Variants in GRIN2A observed in about 807,000 individuals in gnomAD.
GRIN2A encodes glutamate ionotropic receptor NMDA type subunit 2A.
GRIN2A carries 22 observed loss-of-function variants against 113.4 expected under a neutral mutation model. The observed-to-expected ratio is 0.19, with a 90% CI of 0.14 to 0.28. The LOEUF is 0.28. Ranked by LOEUF, GRIN2A falls within the 10% of genes least tolerant of loss-of-function variation. GRIN2A has a pLI of 1.00. For synonymous variants in GRIN2A, 827 were observed against 738.4 expected, an observed-to-expected ratio of 1.12 and a Z score of -1.94; for missense variants, 1,502 against 1,887.0, an observed-to-expected ratio of 0.80 and a Z score of 3.78.
At chr16:10,101,199 G>C (rs1233839666) in intron 2 of GRIN2A, among the ~76,000 whole-genome samples, 4 of 152,194 alleles carry the variant, frequency 2.6e-5, no homozygotes, top group Non-Finnish European at 4.4e-5. Flanking sequence ...CTGCATGGTG[G>C]TCTGAAGCTC....
In GRIN2A at chr16:9,759,821, C is replaced by G. The variant is rs1482962272; in HGVS notation, c.*3328G>C. 1 of 229,210 alleles carries G rather than the reference C, an allele frequency of 4.4e-6. No homozygotes were observed. Among genetic ancestry groups the G allele is most frequent in the African/African-American group, 2.2e-5 (1 of 45,126 alleles). The allele number at this position is 229,210 out of a possible 1,614,324, so 14.2% of individuals were successfully genotyped here. A position where few individuals can be genotyped will look rare whatever the true frequency, so the allele number is the denominator to read the frequency against. On this transcript the variant is annotated 3_prime_UTR_variant, in exon 13 of 13. Coordinates refer to ENST00000330684, the MANE Select transcript of GRIN2A (RefSeq NM_001134407.3). ...ACTTGCCAGCTCAGAGCATTGAAAC[C>G]ATAAGTGGCCTAAGAACCTGCAGAT... is the stretch of plus-strand genomic sequence containing the variant.
At chr16:10,027,904 T>TTCCACCC (rs1309081372) in intron 2 of GRIN2A, among the ~76,000 whole-genome samples, 3 of 152,284 alleles carry the variant, frequency 2.0e-5, no homozygotes, top group East Asian at 3.9e-4. Context: ...AGAGTTCCCT[T>TTCCACCC]TCCACCCTCG....
chr16:9,971,993 C>A (rs149420252), intron 2 of GRIN2A, among the ~76,000 whole-genome samples: 62 of 142,626 alleles, frequency 4.3e-4, no homozygotes, highest in Non-Finnish European at 8.7e-4. Flanking sequence ...GAAGAGCCAA[C>A]CTCTTTCTGG....
intron 4 of GRIN2A, among the ~76,000 whole-genome samples, chr16:9,854,778 C>T (rs2042940247): frequency 6.6e-6 from 1 of 152,160 alleles, no homozygotes; most frequent in South Asian, 2.1e-4. Context: ...GGTTGCACCG[C>T]ATTTCCTCCA....
rs372518754 is a variant in GRIN2A, at chr16:10,053,899, G to T, written c.415-115348C>A. 4.2e-5 allele frequency among the ~76,000 whole-genome samples: 6 copies of T among 142,384 alleles called. No homozygotes were observed. The East Asian group carries it at 1.3e-3, about 30-fold the overall frequency. The allele number at this position is 142,384 out of a possible 152,430, so 93.4% of individuals were successfully genotyped here. A position where few individuals can be genotyped will look rare whatever the true frequency, so the allele number is the denominator to read the frequency against. ...AACAGAATAAAGAAACAAAGCCAAA[G>T]AAAGGAAAAGATCCTACGTGGATAA... is the stretch of plus-strand genomic sequence containing the variant. On this transcript the variant is annotated intron_variant, in intron 2 of 12. Coordinates refer to ENST00000330684, the MANE Select transcript of GRIN2A (RefSeq NM_001134407.3).
At chr16:9,812,035 C>G (rs918603199) in intron 10 of GRIN2A, among the ~76,000 whole-genome samples, 7 of 152,044 alleles carry the variant, frequency 4.6e-5, no homozygotes, top group Non-Finnish European at 8.8e-5. Flanking sequence ...AAAAATATGA[C>G]GAAATTGGTA....
intron 12 of GRIN2A, among the ~76,000 whole-genome samples, chr16:9,765,881 C>A (rs1446995795): frequency 1.3e-5 from 2 of 152,318 alleles, no homozygotes; most frequent in South Asian, 4.1e-4. Flanking sequence ...GGCTCCTGGG[C>A]AGCCCAAATA....
intron 2 of GRIN2A, among the ~76,000 whole-genome samples, chr16:9,968,082 A>G (rs1414991580): frequency 2.0e-5 from 3 of 152,088 alleles, no homozygotes; most frequent in African/African-American, 7.2e-5. Context: ...TTATTATTGC[A>G]ACGTGATTCT....
At chr16:10,138,253 G>A (rs186600641) in intron 2 of GRIN2A, among the ~76,000 whole-genome samples, 305 of 152,284 alleles carry the variant, frequency 2.0e-3, no homozygotes, top group Admixed American at 3.7e-3. Flanking sequence ...AACCACATTC[G>A]ATCACTATTC....
In GRIN2A at chr16:9,754,807, C is replaced by T. The variant is rs1380216006; in HGVS notation, c.*8342G>A. ...CATGGAAAAAAAAAGACAATGTTTT[C>T]GTATTTCTGGATCTTCGCTCTTTGC... On this transcript the variant is annotated 3_prime_UTR_variant, in exon 13 of 13. Coordinates refer to ENST00000330684, the MANE Select transcript of GRIN2A (RefSeq NM_001134407.3). The T allele has an allele frequency of 4.5e-6, 1 of 221,372 alleles. No individual in the cohort carries two copies. 13.7% of individuals were successfully genotyped at this position (221,372 alleles called of 1,614,324 possible). A position where few individuals can be genotyped will look rare whatever the true frequency, so the allele number is the denominator to read the frequency against.
At position 9,841,401 on chromosome 16, in the gene GRIN2A, T is replaced by C. The variant is rs1164494934; in HGVS notation, c.1329-297A>G. On this transcript the variant is annotated intron_variant, in intron 5 of 12. Transcript: ENST00000330684. ...TCATGACATTTTCTGAATTAGTTGA[T>C]ATTTGTACACCCATTAAACAGGTAA... is the stretch of plus-strand genomic sequence containing the variant. Among the ~76,000 whole-genome samples, 9 of 151,968 alleles carry C rather than the reference T, an allele frequency of 5.9e-5. No individual in the cohort carries two copies. The East Asian group carries it at 1.3e-3, about 23-fold the overall frequency.
intron 2 of GRIN2A, among the ~76,000 whole-genome samples, chr16:10,072,495 T>C (rs1396148378): frequency 1.3e-5 from 2 of 152,158 alleles, no homozygotes; most frequent in Non-Finnish European, 2.9e-5. Context: ...TGAGTTTCTG[T>C]TTTGATTTGT....
intron 2 of GRIN2A, among the ~76,000 whole-genome samples, chr16:10,172,243 C>T (rs1411115638): frequency 1.3e-5 from 2 of 152,254 alleles, no homozygotes; most frequent in African/African-American, 4.8e-5. Context: ...TCTTCAGACT[C>T]TTTGTCCAAG....
intron 2 of GRIN2A, among the ~76,000 whole-genome samples, chr16:10,055,895 T>C (rs143956292): frequency 2.0e-5 from 3 of 152,336 alleles, no homozygotes; most frequent in South Asian, 2.1e-4. Flanking sequence ...TACATGTACA[T>C]TTTTGTCACT....
chr16:9,775,104 A>T (rs1311396634), intron 11 of GRIN2A, among the ~76,000 whole-genome samples: 1 of 152,220 alleles, frequency 6.6e-6, no homozygotes, highest in African/African-American at 2.4e-5. Context: ...CCCTGAGGTC[A>T]TTTGTGAAAA....
At chr16:9,880,578 T>A (rs1052528687) in intron 4 of GRIN2A, among the ~76,000 whole-genome samples, 2 of 152,158 alleles carry the variant, frequency 1.3e-5, no homozygotes, top group African/African-American at 2.4e-5. Flanking sequence ...GCTCATCATG[T>A]CACATACTCC....
intron 2 of GRIN2A, among the ~76,000 whole-genome samples, chr16:10,048,741 T>A (rs1231748240): frequency 8.3e-6 from 1 of 120,924 alleles, no homozygotes; most frequent in Admixed American, 8.8e-5. Flanking sequence ...TACCCCACAC[T>A]TGGCCTCCCT....
intron 2 of GRIN2A, among the ~76,000 whole-genome samples, chr16:9,992,570 G>C (rs1410096516): frequency 2.0e-5 from 3 of 152,212 alleles, no homozygotes; most frequent in Non-Finnish European, 2.9e-5. Flanking sequence ...TCCACCGGAG[G>C]CAAGGAACAG....
chr16:9,898,565 T>A (rs2043853305), intron 3 of GRIN2A, among the ~76,000 whole-genome samples: 1 of 152,220 alleles, frequency 6.6e-6, no homozygotes, highest in Non-Finnish European at 1.5e-5. Context: ...AATGCCACCA[T>A]AACCCATTTA....
Sources: gnomAD v4.1 joint callset for allele counts (sites outside exome capture counted in the v4.1 genomes callset) on GRCh38, gnomAD v4.1.1 for gene constraint, MANE v1.5 for transcripts, NCBI Gene and HGNC (gene_info 2026-07-23, HGNC 2026-07-21) for gene names.